Variants in EBF1 observed in about 807,000 individuals in gnomAD.
The protein encoded by EBF1 is transcription factor COE1.
In EBF1, 10 loss-of-function variants were observed where a neutral mutation model predicts 68.4. The observed-to-expected ratio is 0.15, with a 90% CI of 0.09 to 0.25. The LOEUF (loss-of-function observed/expected upper bound fraction) is 0.25. Ranked by LOEUF, EBF1 falls within the 10% of genes least tolerant of loss-of-function variation. The pLI is 1.00. For synonymous variants in EBF1, 298 were observed against 299.8 expected (o/e 0.99, Z 0.06); for missense variants, 509 against 794.4 (o/e 0.64, Z 4.32).
chr5:158,991,560 A>T lies in EBF1; in HGVS notation c.554+81836T>A, dbSNP rs1006578544. 2.0e-5 allele frequency among the ~76,000 whole-genome samples: 3 copies of T among 152,362 alleles called. No homozygotes were observed. In the East Asian group the frequency reaches 5.8e-4, roughly 29 times the overall value. On this transcript the variant is annotated intron_variant, in intron 6 of 15. Transcript: ENST00000313708. ...CGCGCACACACAATTGTTCACTGTCAAGAAAATATATCAAGCCTGAGATGT... is the reference window on the plus strand; with the variant it reads ...CGCGCACACACAATTGTTCACTGTCTAGAAAATATATCAAGCCTGAGATGT...
At chr5:158,883,830 G>A (rs564591042) in intron 6 of EBF1, among the ~76,000 whole-genome samples, 23 of 152,192 alleles carry the variant, frequency 1.5e-4, no homozygotes, top group Admixed American at 3.9e-4. Flanking sequence ...AGGAAGATAC[G>A]AAGATAAAAA....
At chr5:159,063,652 T>C (rs1378328150) in intron 6 of EBF1, among the ~76,000 whole-genome samples, 2 of 152,170 alleles carry the variant, frequency 1.3e-5, no homozygotes, top group Non-Finnish European at 2.9e-5. Context: ...TTAATAAATA[T>C]TTGTGGAAAC....
chr5:158,870,845 A>G (rs890979706), intron 6 of EBF1, among the ~76,000 whole-genome samples: 2 of 152,212 alleles, frequency 1.3e-5, no homozygotes, highest in Non-Finnish European at 2.9e-5. Context: ...GGACTCTGCA[A>G]GATCATGAGG....
At chr5:158,762,699 C>A (rs1771748421) in intron 10 of EBF1, among the ~76,000 whole-genome samples, 1 of 152,130 alleles carries the variant, frequency 6.6e-6, no homozygotes, top group African/African-American at 2.4e-5. Flanking sequence ...CTGCGCCCAG[C>A]TACTTTTTTG....
At chr5:159,078,454 A>G (rs1032596553) in intron 5 of EBF1, among the ~76,000 whole-genome samples, 2 of 152,224 alleles carry the variant, frequency 1.3e-5, no homozygotes, top group African/African-American at 2.4e-5. Flanking sequence ...AGAAATCACA[A>G]TGATAATTAG....
At chr5:158,885,596 A>T (rs980843095) in intron 6 of EBF1, among the ~76,000 whole-genome samples, 2 of 152,172 alleles carry the variant, frequency 1.3e-5, no homozygotes, top group Admixed American at 1.3e-4. Context: ...GAGTTTATTG[A>T]GCACCTGCTA....
At chr5:158,701,405 G>A (rs1234931721) in intron 15 of EBF1, among the ~76,000 whole-genome samples, 2 of 151,514 alleles carry the variant, frequency 1.3e-5, no homozygotes, top group Admixed American at 1.3e-4. Flanking sequence ...TACCCAAATA[G>A]TGTGTTAGAT....
intron 6 of EBF1, among the ~76,000 whole-genome samples, chr5:158,999,814 T>C (rs1156391035): frequency 6.6e-6 from 1 of 152,130 alleles, no homozygotes. Context: ...TATAGAAAAA[T>C]AAGCATTAAA....
At chr5:159,081,817 C>T (rs1183345322) in intron 5 of EBF1, among the ~76,000 whole-genome samples, 1 of 152,198 alleles carries the variant, frequency 6.6e-6, no homozygotes, top group African/African-American at 2.4e-5. Flanking sequence ...CTTCTAGAAT[C>T]GTGCTTTAGA....
At chr5:158,957,955 G>C (rs917304076) in intron 6 of EBF1, among the ~76,000 whole-genome samples, 1 of 151,824 alleles carries the variant, frequency 6.6e-6, no homozygotes, top group Non-Finnish European at 1.5e-5. Context: ...GGCTTAGAGG[G>C]AAAAAGGAAA....
intron 10 of EBF1, among the ~76,000 whole-genome samples, chr5:158,752,327 CAA>C (rs199938065): frequency 1.6e-3 from 173 of 104,900 alleles, no homozygotes; most frequent in Admixed American, 3.6e-3. Context: ...GTATTTATTC[CAA>C]AAAAAAAAAA....
chr5:159,067,533 C>T (rs1340600825), intron 6 of EBF1, among the ~76,000 whole-genome samples: 4 of 152,118 alleles, frequency 2.6e-5, no homozygotes, highest in East Asian at 1.9e-4. Flanking sequence ...TCAGCGTATT[C>T]GAAATGCATT....
intron 6 of EBF1, among the ~76,000 whole-genome samples, chr5:159,070,154 C>T (rs940240895): frequency 1.3e-5 from 2 of 152,150 alleles, no homozygotes; most frequent in African/African-American, 4.8e-5. Context: ...TTTCCCATGT[C>T]TATGCAGCTC....
chr5:158,841,955 T>C (rs1247347742), intron 6 of EBF1, among the ~76,000 whole-genome samples: 1 of 152,214 alleles, frequency 6.6e-6, no homozygotes, highest in Non-Finnish European at 1.5e-5. Context: ...TTGCCGCTAC[T>C]TCCAGATTCT....
At chr5:158,785,888 T>C (rs956004579) in intron 9 of EBF1, among the ~76,000 whole-genome samples, 4 of 152,294 alleles carry the variant, frequency 2.6e-5, no homozygotes, top group South Asian at 2.1e-4. Context: ...TTCCTATTCA[T>C]TGTCCGTGTC....
At chr5:159,056,649 T>C (rs1774796045) in intron 6 of EBF1, among the ~76,000 whole-genome samples, 3 of 152,212 alleles carry the variant, frequency 2.0e-5, no homozygotes, top group Admixed American at 6.5e-5. Context: ...TTTTTCCCCT[T>C]TCACTACAAT....
At chr5:159,042,793 C>T (rs982841423) in intron 6 of EBF1, among the ~76,000 whole-genome samples, 6 of 151,190 alleles carry the variant, frequency 4.0e-5, no homozygotes, top group Admixed American at 3.3e-4. Context: ...GTAGAGTGTT[C>T]ACAAGTTTGG....
At position 158,731,054 on chromosome 5, in the gene EBF1, A is replaced by C. The variant is rs1763990579; in HGVS notation, c.1125+15T>G. ...GTCCAAATTTTCAGGAATTACAAAA[A>C]GGCAGTATCCTCACCTTTGGCAAAC... On this transcript the variant is annotated intron_variant, in intron 11 of 15. Coordinates refer to ENST00000313708, the MANE Select transcript of EBF1 (RefSeq NM_024007.5). The C allele has an allele frequency of 1.2e-6, 2 of 1,607,540 alleles. No individual in the cohort carries two copies. The highest frequency in any genetic ancestry group is 8.5e-7 in the Non-Finnish European group (1 of 1,176,664).
intron 10 of EBF1, among the ~76,000 whole-genome samples, chr5:158,773,353 C>T (rs548888530): frequency 2.0e-5 from 3 of 152,210 alleles, no homozygotes; most frequent in African/African-American, 4.8e-5. Flanking sequence ...ATTCTCATTT[C>T]GAAGTTAGTT....
Sources: allele counts gnomAD v4.1 joint callset (sites outside exome capture counted in the v4.1 genomes callset), GRCh38; gene constraint gnomAD v4.1.1; transcripts MANE v1.5; gene names NCBI Gene and HGNC (gene_info 2026-07-23, HGNC 2026-07-21).